Variants in MARK3 observed in about 807,000 individuals in gnomAD.
MARK3 encodes microtubule affinity regulating kinase 3.
A neutral mutation model predicts 90.1 loss-of-function variants in MARK3; 46 were observed. That is an observed-to-expected ratio of 0.51 (90% confidence interval 0.40 to 0.65). MARK3 has a LOEUF of 0.65. Among genes scored for constraint, MARK3 ranks in the 30% least tolerant of loss-of-function variants. The pLI is 0.00. For missense variants in MARK3, 818 were observed against 947.2 expected (o/e 0.86, Z 1.79); for synonymous variants, 321 against 332.6 (o/e 0.97, Z 0.38).
chr14:103,496,447 C>G (rs1252424367), intron 15 of MARK3, among the ~76,000 whole-genome samples: 2 of 151,114 alleles, frequency 1.3e-5, no homozygotes, highest in African/African-American at 2.4e-5. Context: ...GAGTCTCGCT[C>G]TGTCACCCAG....
chr14:103,481,094 C>G (rs2093810592), intron 14 of MARK3, among the ~76,000 whole-genome samples: 1 of 152,130 alleles, frequency 6.6e-6, no homozygotes, highest in East Asian at 1.9e-4. Context: ...AGCATCCTAT[C>G]ATGCACATGA....
At chr14:103,481,032 A>G (rs1006527736) in intron 14 of MARK3, among the ~76,000 whole-genome samples, 1 of 152,238 alleles carries the variant, frequency 6.6e-6, no homozygotes, top group Non-Finnish European at 1.5e-5. Flanking sequence ...GCAAGCATAC[A>G]TAGGATGAGC....
At chr14:103,386,127 C>A (rs2089766660) in intron 1 of MARK3, 47 bp downstream of exon 1, 3 of 1,569,094 alleles carry the variant, frequency 1.9e-6, no homozygotes, top group Non-Finnish European at 2.6e-6. Flanking sequence ...GGGTGGCATT[C>A]GTGCTCCTCG....
At chr14:103,500,509 C>A (rs1206929971) in intron 17 of MARK3, among the ~76,000 whole-genome samples, 1 of 152,364 alleles carries the variant, frequency 6.6e-6, no homozygotes, top group East Asian at 1.9e-4. Context: ...CAGTTCATCA[C>A]TGACCCCTCA....
At chr14:103,435,866 G>A (rs775303217) in intron 3 of MARK3, among the ~76,000 whole-genome samples, 22 of 151,582 alleles carry the variant, frequency 1.5e-4, no homozygotes, top group South Asian at 4.2e-4. Context: ...CTATAGGCGC[G>A]CACCACCACA....
Position 103,466,103 on chromosome 14 carries a change from G to A in MARK3, c.897+12G>A, listed in dbSNP as rs1273228041. The A allele has an allele frequency of 6.2e-7, 1 of 1,611,444 alleles. No homozygotes were observed. Among genetic ancestry groups the A allele is most frequent in the East Asian group, 2.2e-5 (1 of 44,864 alleles). ...GCGGCACTCTAGAGGTAATCATGTA[G>A]GTGGAAACAAGCAGTAACTTTGGAG... On this transcript the variant is annotated intron_variant, in intron 9 of 17. Transcript: ENST00000429436.
chr14:103,447,263 C>T (rs1400841763), intron 3 of MARK3, among the ~76,000 whole-genome samples: 1 of 152,120 alleles, frequency 6.6e-6, no homozygotes, highest in Non-Finnish European at 1.5e-5. Context: ...CACACCACTG[C>T]ACTTCAACCT....
intron 1 of MARK3, among the ~76,000 whole-genome samples, chr14:103,403,871 C>G (rs2091115741): frequency 1.3e-5 from 2 of 152,118 alleles, no homozygotes; most frequent in African/African-American, 4.8e-5. Flanking sequence ...CCTAGATTTG[C>G]AGTGAGGTCA....
At chr14:103,441,412 G>A (rs1451772016) in intron 3 of MARK3, 1 of 152,146 alleles carries the variant, frequency 6.6e-6, no homozygotes, top group African/African-American at 2.4e-5. Flanking sequence ...AGCCTCCCGA[G>A]TAGCTGGGAC....
At chr14:103,452,332 C>A (rs1206014584) in intron 5 of MARK3, among the ~76,000 whole-genome samples, 1 of 152,024 alleles carries the variant, frequency 6.6e-6, no homozygotes, top group Non-Finnish European at 1.5e-5. Context: ...TTTTCATTTT[C>A]TAACACGAAA....
intron 3 of MARK3, among the ~76,000 whole-genome samples, chr14:103,433,278 G>T (rs2092637029): frequency 6.6e-6 from 1 of 151,700 alleles, no homozygotes; most frequent in Non-Finnish European, 1.5e-5. Flanking sequence ...TAGAGACAGG[G>T]TTTCACCATG....
chr14:103,488,264 T>C (rs1302882769), intron 14 of MARK3, among the ~76,000 whole-genome samples: 1 of 152,122 alleles, frequency 6.6e-6, no homozygotes, highest in African/African-American at 2.4e-5. Context: ...TCCATCTGCT[T>C]CTGCCTCCTT....
chr14:103,433,085 TTTCTTTTC>T, intron 3 of MARK3, among the ~76,000 whole-genome samples: 2 of 26,164 alleles, frequency 7.6e-5, no homozygotes, highest in South Asian at 0.011. Flanking sequence ...TTTCTTTTCT[TTTCTTTTC>T]TTTTTTTTTT....
At chr14:103,409,338 T>TA (rs1466355934) in intron 2 of MARK3, among the ~76,000 whole-genome samples, 1 of 146,086 alleles carries the variant, frequency 6.8e-6, no homozygotes, top group Non-Finnish European at 1.5e-5. Context: ...GAGAAACACC[T>TA]AATGTAGCTG....
chr14:103,433,048 GTTA>G (rs1366660257), intron 3 of MARK3, among the ~76,000 whole-genome samples: 1 of 148,980 alleles, frequency 6.7e-6, no homozygotes, highest in African/African-American at 2.5e-5. Context: ...TAGGAACTTT[GTTA>G]TTGTGCCAAT....
intron 2 of MARK3, among the ~76,000 whole-genome samples, chr14:103,427,111 C>T (rs1171893454): frequency 6.7e-6 from 1 of 150,270 alleles, no homozygotes; most frequent in Non-Finnish European, 1.5e-5. Flanking sequence ...CTATAAGTAA[C>T]TTAAATATAA....
chr14:103,435,936 C>T (rs969557145), intron 3 of MARK3, among the ~76,000 whole-genome samples: 5 of 151,036 alleles, frequency 3.3e-5, no homozygotes, highest in African/African-American at 1.2e-4. Flanking sequence ...TGTTGGCCAG[C>T]CTGGAGTGCA....
intron 7 of MARK3, among the ~76,000 whole-genome samples, chr14:103,464,002 A>G (rs895430886): frequency 6.6e-6 from 1 of 152,010 alleles, no homozygotes; most frequent in Non-Finnish European, 1.5e-5. Context: ...ACCCCTCATC[A>G]ACACATCCAT....
At chr14:103,434,211 A>G (rs2092660712) in intron 3 of MARK3, among the ~76,000 whole-genome samples, 1 of 152,196 alleles carries the variant, frequency 6.6e-6, no homozygotes, top group Non-Finnish European at 1.5e-5. Context: ...GGTTTTTATG[A>G]ACCAAATCAA....
Sources: gnomAD v4.1 joint callset for allele counts (sites outside exome capture counted in the v4.1 genomes callset) on GRCh38, gnomAD v4.1.1 for gene constraint, MANE v1.5 for transcripts, NCBI Gene and HGNC (gene_info 2026-07-23, HGNC 2026-07-21) for gene names.